PDIA5: variants seen among roughly 807,000 people sequenced by gnomAD.
The protein encoded by PDIA5 is protein disulfide-isomerase A5.
In PDIA5, 58 loss-of-function variants were observed where a neutral mutation model predicts 77.6. The observed-to-expected ratio is 0.75, with a 90% CI of 0.61 to 0.93. PDIA5 has a LOEUF of 0.93. Ranked by LOEUF, PDIA5 falls within the 40% of genes least tolerant of loss-of-function variation. The pLI, the probability that PDIA5 is intolerant of heterozygous loss-of-function variation, is 0.00. For synonymous variants in PDIA5, 250 were observed against 252.1 expected, an observed-to-expected ratio of 0.99 and a Z score of 0.08; for missense variants, 630 against 647.7, an observed-to-expected ratio of 0.97 and a Z score of 0.30.
chr3:123,089,155 C>A lies in PDIA5; in HGVS notation c.43-13C>A. 6.2e-7 allele frequency: 1 copy of A among 1,611,348 alleles called. No individual in the cohort carries two copies. The highest frequency in any genetic ancestry group is 8.5e-7 in the Non-Finnish European group (1 of 1,178,414). On this transcript the variant is annotated splice_polypyrimidine_tract_variant and intron_variant, in intron 1 of 16. Coordinates refer to ENST00000316218, the MANE Select transcript of PDIA5 (RefSeq NM_006810.4). ...AAGCTGGAACTCACAGTCGTTGGCT[C>A]CTTGATCCCCAGGTGGTCCTGCCAT...
chr3:123,148,396 C>T (rs1935815739), intron 13 of PDIA5, among the ~76,000 whole-genome samples: 1 of 151,868 alleles, frequency 6.6e-6, no homozygotes, highest in Admixed American at 6.6e-5. Flanking sequence ...AGTGAGACCC[C>T]ACCTCTACCG....
chr3:123,116,402 A>G, intron 8 of PDIA5, 104 bp downstream of exon 8: 2 of 857,458 alleles, frequency 2.3e-6, no homozygotes, highest in South Asian at 1.5e-5. Context: ...GGTGAGGATG[A>G]CTGACCCTGC....
intron 3 of PDIA5, among the ~76,000 whole-genome samples, chr3:123,097,944 C>G (rs1474081805): frequency 2.0e-5 from 3 of 152,138 alleles, no homozygotes; most frequent in Non-Finnish European, 4.4e-5. Context: ...AGTCTTCTTT[C>G]TACCCCACCA....
intron 12 of PDIA5, 145 bp downstream of exon 12, chr3:123,145,737 T>C (rs1315141715): frequency 3.0e-6 from 2 of 657,390 alleles, no homozygotes; most frequent in Non-Finnish European, 5.3e-6. Flanking sequence ...AAGTAGAACA[T>C]CTTAGACAGA....
chr3:123,117,392 A>ATATATATATATG (rs1935022571), intron 8 of PDIA5, among the ~76,000 whole-genome samples: 1 of 136,414 alleles, frequency 7.3e-6, no homozygotes, highest in Non-Finnish European at 1.6e-5. Context: ...ATATATATAT[A>ATATATATATATG]TATATATTCT....
At chr3:123,086,979 C>T (rs1166472947) in intron 1 of PDIA5, among the ~76,000 whole-genome samples, 1 of 152,170 alleles carries the variant, frequency 6.6e-6, no homozygotes, top group East Asian at 1.9e-4. Context: ...CTGATGAAGT[C>T]TTATGCCAAT....
chr3:123,092,123 G>A (rs1223092661), intron 2 of PDIA5, among the ~76,000 whole-genome samples: 1 of 152,172 alleles, frequency 6.6e-6, no homozygotes, highest in African/African-American at 2.4e-5. Flanking sequence ...GTGTCCAAGA[G>A]GAAGGCCCCT....
chr3:123,082,030 C>G (rs1934024919), intron 1 of PDIA5, among the ~76,000 whole-genome samples: 1 of 152,222 alleles, frequency 6.6e-6, no homozygotes, highest in Admixed American at 6.5e-5. Flanking sequence ...TGGCTGGAAA[C>G]AGACCTGGGC....
In PDIA5 at chr3:123,111,022, C is replaced by T. The variant is rs1934850086; in HGVS notation, c.541+18C>T. On this transcript the variant is annotated intron_variant, in intron 7 of 16. Transcript: ENST00000316218. ...TGCCCCCTGTGAGTGAACTTTCTCC[C>T]TTGGGCCAGAGCTAGTTGTTTAGTC... 1 of 1,603,024 alleles carries T rather than the reference C, an allele frequency of 6.2e-7. No homozygotes were observed. The highest frequency in any genetic ancestry group is 1.7e-5 in the Admixed American group (1 of 59,888).
intron 11 of PDIA5, among the ~76,000 whole-genome samples, chr3:123,142,046 G>T (rs1222877649): frequency 6.6e-6 from 1 of 152,212 alleles, no homozygotes; most frequent in Non-Finnish European, 1.5e-5. Context: ...CATCAGTGTG[G>T]GGAAGGGGAG....
chr3:123,081,853 G>A (rs1934018609), intron 1 of PDIA5, among the ~76,000 whole-genome samples: 1 of 152,228 alleles, frequency 6.6e-6, no homozygotes, highest in African/African-American at 2.4e-5. Context: ...ATGTGGCAAG[G>A]ACTGTTCTCC....
chr3:123,125,075 T>C (rs1184465518), intron 10 of PDIA5, among the ~76,000 whole-genome samples: 1 of 151,974 alleles, frequency 6.6e-6, no homozygotes, highest in Non-Finnish European at 1.5e-5. Context: ...ATCACCCCAT[T>C]CCCACTTCTC....
At chr3:123,081,755 T>G (rs529061413) in intron 1 of PDIA5, among the ~76,000 whole-genome samples, 1 of 152,270 alleles carries the variant, frequency 6.6e-6, no homozygotes, top group South Asian at 2.1e-4. Context: ...AGTAAATCTA[T>G]AATGACAGAC....
chr3:123,133,967 G>GTTTTC (rs200601178), intron 11 of PDIA5, among the ~76,000 whole-genome samples: 22,082 of 148,680 alleles, frequency 0.15, 2,052 homozygotes, highest in Middle Eastern at 0.22. Context: ...AGTGTTGTTT[G>GTTTTC]TTTTCTTTTC....
chr3:123,122,631 G>T (rs1369412264), intron 8 of PDIA5, among the ~76,000 whole-genome samples: 1 of 152,182 alleles, frequency 6.6e-6, no homozygotes, highest in Non-Finnish European at 1.5e-5. Flanking sequence ...CTCCAGTTTT[G>T]TGCTAAAACC....
intron 14 of PDIA5, 41 bp from the exon 15 acceptor site, chr3:123,154,930 A>T: frequency 1.5e-6 from 2 of 1,353,394 alleles, no homozygotes; most frequent in Non-Finnish European, 2.1e-6. Flanking sequence ...CTCCCTGCAC[A>T]TGCATCACAG....
chr3:123,074,185 C>A lies in PDIA5; in HGVS notation c.42+6979C>A, dbSNP rs116803507. ...CCCAAATGGATATTTCCTTGAGAAT[C>A]TTTTATGAGCCAGGCCTCATGCTAA... On this transcript the variant is annotated intron_variant, in intron 1 of 16. Coordinates refer to ENST00000316218, the MANE Select transcript of PDIA5 (RefSeq NM_006810.4). Among the ~76,000 whole-genome samples the A allele has an allele frequency of 5.2e-3, 792 of 152,308 alleles. 4 individuals carry two copies. Among genetic ancestry groups the A allele is most frequent in the African/African-American group, 0.013 (526 of 41,564 alleles).
intron 7 of PDIA5, 141 bp downstream of exon 7, chr3:123,111,145 G>A (rs558252666): frequency 2.3e-4 from 156 of 678,820 alleles, no homozygotes; most frequent in South Asian, 8.3e-5. Flanking sequence ...CTCCATCTGC[G>A]CCTCTTTTCC....
chr3:123,106,712 C>G, intron 5 of PDIA5, 37 bp from the exon 6 acceptor site: 1 of 1,477,434 alleles, frequency 6.8e-7, no homozygotes, highest in Non-Finnish European at 9.5e-7. Flanking sequence ...CTTTTCAGGG[C>G]TAAAATGCAT....
Sources: allele counts gnomAD v4.1 joint callset (sites outside exome capture counted in the v4.1 genomes callset), GRCh38; gene constraint gnomAD v4.1.1; transcripts MANE v1.5; gene names NCBI Gene and HGNC (gene_info 2026-07-23, HGNC 2026-07-21).